Variants in CNTLN observed in about 807,000 individuals in gnomAD.
CNTLN encodes centlein, centrosomal protein.
CNTLN carries 212 observed loss-of-function variants against 180.0 expected under a neutral mutation model. The ratio of observed to expected loss-of-function variants is 1.18; its 90% CI spans 1.05 to 1.32. The LOEUF (loss-of-function observed/expected upper bound fraction) is 1.32, where lower values mean the gene tolerates loss of function less well. Ranked by LOEUF, CNTLN falls within the 40% of genes most tolerant of loss-of-function variation. The pLI is 0.00. For missense variants in CNTLN, 2,095 were observed against 1,610.9 expected (o/e 1.30, Z -5.14); for synonymous variants, 722 against 563.1 (o/e 1.28, Z -3.99).
chr9:17,507,876 CTTCCAACACTTT>C (rs1833960964), downstream of CNTLN, among the ~76,000 whole-genome samples: 1 of 152,294 alleles, frequency 6.6e-6, no homozygotes, highest in South Asian at 2.1e-4. Flanking sequence ...ACATCAGCTC[CTTCCAACACTTT>C]TTGCCACATT....
intron 5 of CNTLN, among the ~76,000 whole-genome samples, chr9:17,269,568 A>T (rs758956361): frequency 2.6e-5 from 4 of 152,154 alleles, no homozygotes; most frequent in Non-Finnish European, 5.9e-5. Flanking sequence ...CATGTGGATG[A>T]AAAATTTCCA....
At chr9:17,236,275 G>C in intron 4 of CNTLN, 134 bp from the exon 5 acceptor site, 1 of 664,932 alleles carries the variant, frequency 1.5e-6, no homozygotes, top group Non-Finnish European at 2.4e-6. Flanking sequence ...AGGTGACCTT[G>C]GCTATCAAAT....
At chr9:17,496,160 T>C (rs2441988) in intron 25 of CNTLN, among the ~76,000 whole-genome samples, 149,609 of 152,306 alleles carry the variant, frequency 0.98, 73,495 homozygotes, top group Middle Eastern at 1. Flanking sequence ...CAACACTGAG[T>C]GACACAGTGA....
rs117224406 is a variant in CNTLN at position 17,241,915 on chromosome 9, C to A, written c.849+5327C>A. Among the ~76,000 whole-genome samples, 946 of 152,212 alleles carry A rather than the reference C, an allele frequency of 6.2e-3. 3 individuals carry two copies. Among genetic ancestry groups the A allele is most frequent in the Non-Finnish European group, 8.7e-3 (593 of 68,012 alleles). ...GTTAATTTTGTATCCTGCAACTTTA[C>A]CGAATTTATTTATTCATTCTAATAG... On this transcript the variant is annotated intron_variant, in intron 5 of 25. Transcript: ENST00000380647.
At chr9:17,430,205 A>C (rs1030421085) in intron 18 of CNTLN, among the ~76,000 whole-genome samples, 1 of 151,914 alleles carries the variant, frequency 6.6e-6, no homozygotes, top group African/African-American at 2.4e-5. Context: ...CATCTCCTAA[A>C]ATTCTCCCTA....
the CNTLN span, among the ~76,000 whole-genome samples, chr9:17,513,822 T>C: frequency 1.3e-5 from 2 of 152,146 alleles, no homozygotes; most frequent in Admixed American, 6.5e-5. Context: ...ATAACGAAGC[T>C]GATCTTTACA....
intron 25 of CNTLN, among the ~76,000 whole-genome samples, chr9:17,494,026 T>C (rs1833310567): frequency 1.3e-5 from 2 of 152,200 alleles, no homozygotes; most frequent in African/African-American, 4.8e-5. Flanking sequence ...GAATACCACC[T>C]GACAGATTTG....
At chr9:17,367,364 C>G (rs191007853) in intron 13 of CNTLN, among the ~76,000 whole-genome samples, 11 of 151,920 alleles carry the variant, frequency 7.2e-5, no homozygotes, top group African/African-American at 2.4e-4. Context: ...TTCTGGCAAG[C>G]CTCATTACCA....
chr9:17,327,235 A>C, intron 8 of CNTLN, among the ~76,000 whole-genome samples: 2 of 115,092 alleles, frequency 1.7e-5, no homozygotes, highest in African/African-American at 6.6e-5. Flanking sequence ...TTTTTTTGAG[A>C]TGGAGTCTCA....
At chr9:17,183,924 C>G (rs1192394315) in intron 2 of CNTLN, among the ~76,000 whole-genome samples, 1 of 151,958 alleles carries the variant, frequency 6.6e-6, no homozygotes, top group Non-Finnish European at 1.5e-5. Context: ...TGTACCTACC[C>G]TGTGAAAGCT....
At chr9:17,509,249 C>G in the CNTLN span, among the ~76,000 whole-genome samples, 1 of 152,186 alleles carries the variant, frequency 6.6e-6, no homozygotes. Context: ...TGATATGGCA[C>G]CATTTCCTGG....
chr9:17,494,913 G>A (rs2499057), intron 25 of CNTLN: 141,422 of 342,246 alleles, frequency 0.41, 27,213 homozygotes, highest in South Asian at 0.51. Flanking sequence ...ACAGAGTCTT[G>A]CTCTGTCTCC....
Position 17,296,858 on chromosome 9 carries a change from T to G in CNTLN, c.984-1332T>G, listed in dbSNP as rs568783715. 1.3e-4 allele frequency among the ~76,000 whole-genome samples: 20 copies of G among 152,366 alleles called. 1 individual carries two copies. In the South Asian group the frequency reaches 4.1e-3, roughly 32 times the overall value. The stretch of plus-strand genomic sequence containing the variant: ...TTTGAGAACATTAATGTTCTAAATC[T>G]CTAAGGAGCGGAACTCCTTGCTCCC... On this transcript the variant is annotated intron_variant, in intron 6 of 25. Coordinates refer to ENST00000380647, the MANE Select transcript of CNTLN (RefSeq NM_017738.4).
intron 2 of CNTLN, among the ~76,000 whole-genome samples, chr9:17,215,909 T>C (rs1823719755): frequency 6.6e-6 from 1 of 152,058 alleles, no homozygotes; most frequent in Non-Finnish European, 1.5e-5. Flanking sequence ...AAAAGCGCAG[T>C]ATTAGGGTGG....
intron 7 of CNTLN, among the ~76,000 whole-genome samples, chr9:17,308,138 A>G (rs911485033): frequency 6.6e-6 from 1 of 152,128 alleles, no homozygotes; most frequent in Non-Finnish European, 1.5e-5. Flanking sequence ...CATTAGGATC[A>G]AGTTCACAAG....
intron 25 of CNTLN, among the ~76,000 whole-genome samples, chr9:17,492,057 T>C (rs1368879035): frequency 6.6e-6 from 1 of 152,132 alleles, no homozygotes; most frequent in South Asian, 2.1e-4. Context: ...GCCTACACAC[T>C]CAGTAACCCA....
intron 25 of CNTLN, among the ~76,000 whole-genome samples, chr9:17,488,592 C>A (rs1027219776): frequency 3.3e-5 from 5 of 152,014 alleles, no homozygotes; most frequent in African/African-American, 1.2e-4. Context: ...TAAAACTGTA[C>A]TGACACTGGA....
At chr9:17,471,507 C>T (rs569070073) in intron 23 of CNTLN, among the ~76,000 whole-genome samples, 6 of 152,184 alleles carry the variant, frequency 3.9e-5, no homozygotes, top group Admixed American at 3.3e-4. Flanking sequence ...ATTCCTAGCT[C>T]ATGATATCCC....
At chr9:17,183,582 C>G (rs1253825492) in intron 2 of CNTLN, among the ~76,000 whole-genome samples, 1 of 151,580 alleles carries the variant, frequency 6.6e-6, no homozygotes, top group South Asian at 2.1e-4. Context: ...TCACGTGAAA[C>G]ACTAATAATA....
Sources: allele counts gnomAD v4.1 joint callset (sites outside exome capture counted in the v4.1 genomes callset), GRCh38; gene constraint gnomAD v4.1.1; transcripts MANE v1.5; gene names NCBI Gene and HGNC (gene_info 2026-07-23, HGNC 2026-07-21).